The following C4orf36 variants were observed in gnomAD, a reference collection of about 807,000 sequenced individuals.
C4orf36 encodes the protein uncharacterized protein C4orf36.
C4orf36 carries 11 observed loss-of-function variants against 12.2 expected under a neutral mutation model. That is an observed-to-expected ratio of 0.90 (90% confidence interval 0.57 to 1.49). The LOEUF (loss-of-function observed/expected upper bound fraction) is 1.49. Ranked by LOEUF, C4orf36 falls within the 40% of genes most tolerant of loss-of-function variation. The pLI, the probability that C4orf36 is intolerant of heterozygous loss-of-function variation, is 0.00. For synonymous variants in C4orf36, 54 were observed against 51.3 expected, an observed-to-expected ratio of 1.05 and a Z score of -0.22; for missense variants, 137 against 133.9, an observed-to-expected ratio of 1.02 and a Z score of -0.11.
At chr4:86,906,342 T>C in the C4orf36 span, among the ~76,000 whole-genome samples, 2 of 152,162 alleles carry the variant, frequency 1.3e-5, no homozygotes, top group African/African-American at 4.8e-5. Flanking sequence ...CTGGAATCCA[T>C]AAGAATTAAG....
At chr4:86,906,454 A>G in the C4orf36 span, among the ~76,000 whole-genome samples, 1 of 152,146 alleles carries the variant, frequency 6.6e-6, no homozygotes, top group Non-Finnish European at 1.5e-5. Flanking sequence ...TAGGCCAGGC[A>G]TGGTGGCTTA....
chr4:86,921,616 A>G, the C4orf36 span, among the ~76,000 whole-genome samples: 1 of 152,254 alleles, frequency 6.6e-6, no homozygotes, highest in Admixed American at 6.5e-5. Flanking sequence ...TTTGAAAAGC[A>G]ATTAATAAAC....
chr4:86,876,334 A>T lies in C4orf36; in HGVS notation c.*112T>A, dbSNP rs1425343449. 10 of 1,521,634 alleles carry T rather than the reference A, an allele frequency of 6.6e-6. No individual in the cohort carries two copies. In the Middle Eastern group the frequency reaches 9.6e-4, roughly 146 times the overall value. 94.3% of individuals were successfully genotyped at this position (1,521,634 alleles called of 1,614,324 possible). A position where few individuals can be genotyped will look rare whatever the true frequency, so the allele number is the denominator to read the frequency against. On this transcript the variant is annotated 3_prime_UTR_variant, in exon 5 of 5. Transcript: ENST00000295898. ...TTCCTGAGGTGGGGGCCGGGCCAGG[A>T]TGGCTGCAGCGCAGCGACGGCCGGG...
chr4:86,914,091 C>G, the C4orf36 span: 3 of 1,608,358 alleles, frequency 1.9e-6, no homozygotes, highest in Non-Finnish European at 2.6e-6. Context: ...AATGTGCTTG[C>G]TCACCCACCA....
the C4orf36 span, among the ~76,000 whole-genome samples, chr4:86,908,160 T>G: frequency 4.0e-5 from 5 of 124,488 alleles, no homozygotes; most frequent in African/African-American, 1.5e-4. Context: ...AGAACTATAC[T>G]TTCAACATAC....
intron 2 of C4orf36, among the ~76,000 whole-genome samples, chr4:86,888,647 C>A (rs1007943182): frequency 6.6e-6 from 1 of 152,170 alleles, no homozygotes; most frequent in Non-Finnish European, 1.5e-5. Flanking sequence ...ATACATTGAG[C>A]AGGGTGCTTG....
At chr4:86,914,893 C>A in the C4orf36 span, 1 of 342,042 alleles carries the variant, frequency 2.9e-6, no homozygotes, top group Non-Finnish European at 5.5e-6. Context: ...GATTCATGGA[C>A]TCTGGGCAGT....
Position 86,890,444 on chromosome 4 carries a change from T to C in C4orf36, c.65+1012A>G, listed in dbSNP as rs564109713. ...ATGTGTGTGTATACATGTGTGTATG[T>C]GTCTTGTGTAGCAATGCACATACAC... On this transcript the variant is annotated intron_variant, in intron 2 of 4. Transcript: ENST00000295898. Among the ~76,000 whole-genome samples, 10 of 151,694 alleles carry C rather than the reference T, an allele frequency of 6.6e-5. No individual in the cohort carries two copies. In the South Asian group the frequency reaches 2.1e-3, roughly 32 times the overall value.
intron 4 of C4orf36, among the ~76,000 whole-genome samples, chr4:86,876,893 T>C (rs1349905043): frequency 2.6e-5 from 4 of 152,238 alleles, no homozygotes; most frequent in African/African-American, 9.6e-5. Context: ...CTATCTTATC[T>C]AAATCTGATT....
At chr4:86,903,161 A>G in the C4orf36 span, among the ~76,000 whole-genome samples, 1 of 152,178 alleles carries the variant, frequency 6.6e-6, no homozygotes, top group Non-Finnish European at 1.5e-5. Context: ...GAATTTTCAC[A>G]TTTCTTCCAT....
At chr4:86,929,762 A>T in the C4orf36 span, among the ~76,000 whole-genome samples, 1 of 152,222 alleles carries the variant, frequency 6.6e-6, no homozygotes, top group South Asian at 2.1e-4. Context: ...AAGAATAAAG[A>T]CATAAAACAA....
intron 3 of C4orf36, 99 bp from the exon 4 acceptor site, chr4:86,887,992 T>C (rs1747244413): frequency 6.4e-7 from 1 of 1,552,604 alleles, no homozygotes; most frequent in African/African-American, 1.4e-5. Flanking sequence ...TATGCCTGAA[T>C]AATAAACAAG....
upstream of C4orf36, among the ~76,000 whole-genome samples, chr4:86,894,201 GC>G (rs1747541807): frequency 6.6e-6 from 1 of 152,062 alleles, no homozygotes; most frequent in Non-Finnish European, 1.5e-5. Flanking sequence ...CCGGTCTTTG[GC>G]CGGAATTTTT....
At chr4:86,933,391 T>C in the C4orf36 span, 1 of 152,190 alleles carries the variant, frequency 6.6e-6, no homozygotes, top group African/African-American at 2.4e-5. Context: ...ATGGAATGAC[T>C]TACTCTCTGA....
chr4:86,917,413 AAGAG>A, the C4orf36 span, among the ~76,000 whole-genome samples: 6 of 147,220 alleles, frequency 4.1e-5, no homozygotes, highest in South Asian at 4.3e-4. Flanking sequence ...GAAAGAGAGG[AAGAG>A]AGAGAGAAAG....
At chr4:86,918,007 G>T in the C4orf36 span, among the ~76,000 whole-genome samples, 1 of 152,216 alleles carries the variant, frequency 6.6e-6, no homozygotes, top group African/African-American at 2.4e-5. Context: ...CAAGATCAAG[G>T]TACCATCCAT....
chr4:86,901,574 ATTT>A, the C4orf36 span, among the ~76,000 whole-genome samples: 1 of 148,184 alleles, frequency 6.7e-6, no homozygotes, highest in East Asian at 2.0e-4. Context: ...CACCCGGCTA[ATTT>A]TTTTTTTGTA....
At chr4:86,902,418 CAAAAAAA>C in the C4orf36 span, among the ~76,000 whole-genome samples, 8 of 58,958 alleles carry the variant, frequency 1.4e-4, no homozygotes, top group African/African-American at 4.0e-4. Flanking sequence ...ATGAGACTCT[CAAAAAAA>C]AAAAAAAAAA....
chr4:86,934,905 G>A, the C4orf36 span: 8 of 152,124 alleles, frequency 5.3e-5, no homozygotes, highest in Non-Finnish European at 1.0e-4. Flanking sequence ...GGCGCGGGCC[G>A]GGGCGGAACC....
Sources: gnomAD v4.1 joint callset for allele counts (sites outside exome capture counted in the v4.1 genomes callset) on GRCh38, gnomAD v4.1.1 for gene constraint, MANE v1.5 for transcripts, NCBI Gene and HGNC (gene_info 2026-07-23, HGNC 2026-07-21) for gene names.